Variants in HAO2 observed in about 807,000 individuals in gnomAD.
HAO2 encodes hydroxyacid oxidase 2, also known as 2-Hydroxyacid oxidase 2.
Under a neutral mutation model 37.4 loss-of-function variants are expected in HAO2, and 42 were observed. That is an observed-to-expected ratio of 1.12 (90% CI 0.88 to 1.45). HAO2 has a LOEUF of 1.45. Among genes scored for constraint, HAO2 ranks in the 40% most tolerant of loss-of-function variants. The pLI is 0.00. For missense variants in HAO2, 476 were observed against 430.2 expected (o/e 1.11, Z -0.94); for synonymous variants, 180 against 162.8 (o/e 1.11, Z -0.81).
At chr1:119,385,568 A>G (rs987059384) in intron 4 of HAO2, 32 of 977,598 alleles carry the variant, frequency 3.3e-5, no homozygotes, top group Non-Finnish European at 3.9e-5. Flanking sequence ...CATAGAGCTC[A>G]TTTGTGGAGC....
intron 4 of HAO2, 61 bp from the exon 5 acceptor site, chr1:119,386,561 T>C (rs1292480592): frequency 6.0e-6 from 6 of 1,003,996 alleles, no homozygotes; most frequent in Non-Finnish European, 9.5e-6. Flanking sequence ...GTCTCATCTT[T>C]GGAATGCATC....
chr1:119,392,207 T>A lies in HAO2; in HGVS notation c.869T>A (p.Leu290Gln). ...VRTGNDVLKA[L>Q]ALGAKCIFLG... Reference sequence around the variant, plus strand: ...ACTGGCAATGATGTGCTGAAGGCTCTGGCCCTTGGAGCTAAGTGCATTTTT... The same window carrying A: ...ACTGGCAATGATGTGCTGAAGGCTCAGGCCCTTGGAGCTAAGTGCATTTTT... Residue 290 changes from leucine to glutamine, a missense_variant, in exon 6 of 8, where the codon CTG becomes CAG. Leu to Gln is a moderately radical substitution (Grantham distance 113). Coordinates refer to ENST00000325945, the MANE Select transcript of HAO2 (RefSeq NM_016527.4). 1.2e-6 allele frequency: 2 copies of A among 1,613,482 alleles called. No homozygotes were observed. The highest frequency in any genetic ancestry group is 1.7e-6 in the Non-Finnish European group (2 of 1,179,530).
At chr1:119,371,765 TG>T (rs1361559841) in intron 1 of HAO2, among the ~76,000 whole-genome samples, 1 of 152,246 alleles carries the variant, frequency 6.6e-6, no homozygotes, top group Non-Finnish European at 1.5e-5. Flanking sequence ...ACACAGTGCA[TG>T]GTACATCATG....
rs759196248 is a variant in HAO2 at position 119,384,801 on chromosome 1, C to T, written c.309C>T (p.Tyr103=). 1.9e-6 allele frequency: 3 copies of T among 1,613,758 alleles called. No individual in the cohort carries two copies. Among genetic ancestry groups the T allele is most frequent in the African/African-American group, 1.3e-5 (1 of 74,934 alleles). The change falls in exon 4 of 8, where the codon TAC becomes TAT. Residue 103 remains tyrosine, a synonymous_variant. Transcript: ENST00000325945. ...CTGCCCAAGCGGCTGGTATCTGCTACATCACCAGCACATTTGCCAGCTGTA... is the reference window on the plus strand; with the variant it reads ...CTGCCCAAGCGGCTGGTATCTGCTATATCACCAGCACATTTGCCAGCTGTA... The part of the protein sequence containing the change: ...ARAAQAAGIC[Y]ITSTFASCSL...
chr1:119,385,583 G>T, intron 4 of HAO2: 1 of 983,446 alleles, frequency 1.0e-6, no homozygotes, highest in Non-Finnish European at 1.2e-6. Context: ...TGGAGCACCA[G>T]GATGCTATAG....
At chr1:119,387,136 C>T (rs1337298453) in intron 5 of HAO2, among the ~76,000 whole-genome samples, 1 of 152,126 alleles carries the variant, frequency 6.6e-6, no homozygotes, top group East Asian at 1.9e-4. Flanking sequence ...AATAACTTAT[C>T]TTTAGTTCAC....
Position 119,382,895 on chromosome 1 carries a change from C to T in HAO2, c.132-20C>T. On this transcript the variant is annotated intron_variant, in intron 2 of 7. Transcript: ENST00000325945. The stretch of plus-strand genomic sequence containing the variant: ...CAGAATCATCTCACCAACAGAAGAT[C>T]TCTTTGTTGTCCGGCACAGAATTCG... The T allele has an allele frequency of 6.2e-7, 1 of 1,610,588 alleles. No homozygotes were observed. The highest frequency in any genetic ancestry group is 8.5e-7 in the Non-Finnish European group (1 of 1,177,722).
chr1:119,384,975 A>G lies in HAO2; in HGVS notation c.483A>G (p.Val161=). ...KALVITLDTP[V]CGNRRHDIRN... ...TGGTAATAACTTTGGATACACCTGT[A>G]TGTGGCAACAGGCGACATGACATTC... The change falls in exon 4 of 8, where the codon GTA becomes GTG. Residue 161 remains valine, a synonymous_variant. Coordinates refer to ENST00000325945, the MANE Select transcript of HAO2 (RefSeq NM_016527.4). 6.2e-7 allele frequency: 1 copy of G among 1,613,548 alleles called. No individual in the cohort carries two copies. Among genetic ancestry groups the G allele is most frequent in the Non-Finnish European group, 8.5e-7 (1 of 1,179,500 alleles).
intron 1 of HAO2, among the ~76,000 whole-genome samples, chr1:119,379,369 T>C (rs1391453724): frequency 6.6e-6 from 1 of 152,156 alleles, no homozygotes; most frequent in Non-Finnish European, 1.5e-5. Flanking sequence ...CTGGGAACCC[T>C]GTTGAAATCC....
At chr1:119,375,776 C>A (rs1649404626) in intron 1 of HAO2, among the ~76,000 whole-genome samples, 1 of 152,108 alleles carries the variant, frequency 6.6e-6, no homozygotes, top group South Asian at 2.1e-4. Context: ...TGGTGGCAGG[C>A]AAGAGAGTGT....
In HAO2 at chr1:119,389,552, T is replaced by C. The variant is rs587607362; in HGVS notation, c.772-2558T>C. Reference sequence around the variant, plus strand: ...CCTAATCATTAGTGATGTTGAGCACTTTTTCATATGTTTGTTGGCTATTTG... The same window carrying C: ...CCTAATCATTAGTGATGTTGAGCACCTTTTCATATGTTTGTTGGCTATTTG... On this transcript the variant is annotated intron_variant, in intron 5 of 7. Transcript: ENST00000325945. Among the ~76,000 whole-genome samples the C allele has an allele frequency of 2.0e-5, 3 of 152,252 alleles. No individual in the cohort carries two copies. The East Asian group carries it at 5.8e-4, about 29-fold the overall frequency.
chr1:119,385,106 T>C, intron 4 of HAO2, 53 bp downstream of exon 4: 1 of 1,570,414 alleles, frequency 6.4e-7, no homozygotes, highest in Non-Finnish European at 8.6e-7. Flanking sequence ...CAAATTTCCT[T>C]CCCTCTTTTC....
At chr1:119,370,706 G>T (rs1230148820) in intron 1 of HAO2, among the ~76,000 whole-genome samples, 1 of 152,166 alleles carries the variant, frequency 6.6e-6, no homozygotes, top group Non-Finnish European at 1.5e-5. Flanking sequence ...TCAGTCATTA[G>T]TTCCTTGGGC....
In HAO2 at chr1:119,393,993, T is replaced by A; in HGVS notation, c.*153T>A. ...ATTTCTAATACCACCACCCCTGTGC[T>A]TCAGGCCCTCCAAACCCCTGTGTTC... On this transcript the variant is annotated 3_prime_UTR_variant, in exon 8 of 8. Transcript: ENST00000325945. 1 of 1,479,956 alleles carries A rather than the reference T, an allele frequency of 6.8e-7. No homozygotes were observed. Among genetic ancestry groups the A allele is most frequent in the Non-Finnish European group, 9.0e-7 (1 of 1,107,308 alleles). 91.7% of individuals were successfully genotyped at this position (1,479,956 alleles called of 1,614,324 possible).
intron 1 of HAO2, among the ~76,000 whole-genome samples, chr1:119,375,654 G>C (rs971055276): frequency 6.6e-6 from 1 of 152,068 alleles, no homozygotes; most frequent in African/African-American, 2.4e-5. Flanking sequence ...AAATACCTGA[G>C]ACTGGGTAAC....
At chr1:119,390,060 T>C (rs1416990895) in intron 5 of HAO2, among the ~76,000 whole-genome samples, 1 of 152,162 alleles carries the variant, frequency 6.6e-6, no homozygotes, top group Non-Finnish European at 1.5e-5. Context: ...TTCCCTACTT[T>C]ATGTTTTTGT....
chr1:119,385,885 G>T, intron 4 of HAO2: 1 of 984,680 alleles, frequency 1.0e-6, no homozygotes, highest in Non-Finnish European at 1.2e-6. Flanking sequence ...TGTACATGGT[G>T]AGCCAAGAGT....
At chr1:119,393,215 C>T (rs959105737) in intron 7 of HAO2, among the ~76,000 whole-genome samples, 1 of 152,138 alleles carries the variant, frequency 6.6e-6, no homozygotes, top group Non-Finnish European at 1.5e-5. Context: ...CACAACTCCC[C>T]AGCCCCATAA....
intron 3 of HAO2, among the ~76,000 whole-genome samples, chr1:119,384,139 T>G (rs75527465): frequency 0.032 from 4,904 of 152,282 alleles, 260 homozygotes; most frequent in African/African-American, 0.11. Flanking sequence ...AGCAGCCATA[T>G]GAACGTCATC....
Sources: gnomAD v4.1 joint callset for allele counts (sites outside exome capture counted in the v4.1 genomes callset) on GRCh38, gnomAD v4.1.1 for gene constraint, MANE v1.5 for transcripts, NCBI Gene and HGNC (gene_info 2026-07-23, HGNC 2026-07-21) for gene names.